The following SLC60A1 variants were observed in gnomAD, a reference collection of about 807,000 sequenced individuals.
The protein encoded by SLC60A1 is solute carrier family 60 member 1.
the SLC60A1 span, among the ~76,000 whole-genome samples, chr1:205,589,388 C>CA: frequency 3.3e-5 from 5 of 152,124 alleles, no homozygotes; most frequent in South Asian, 1.0e-3. Flanking sequence ...GGGAAGTAAA[C>CA]AGGGGCTACA....
the SLC60A1 span, chr1:205,598,859 G>C: frequency 2.1e-6 from 1 of 476,888 alleles, no homozygotes; most frequent in Non-Finnish European, 3.7e-6. Context: ...TGATGATAGA[G>C]ATCGTCAGAA....
the SLC60A1 span, among the ~76,000 whole-genome samples, chr1:205,572,128 G>T: frequency 6.6e-6 from 1 of 152,162 alleles, no homozygotes; most frequent in Non-Finnish European, 1.5e-5. Context: ...TGAGCTCAGG[G>T]CAGCACCAGC....
chr1:205,575,003 G>C, the SLC60A1 span, among the ~76,000 whole-genome samples: 1 of 152,208 alleles, frequency 6.6e-6, no homozygotes, highest in African/African-American at 2.4e-5. Context: ...CAGTGTGAAG[G>C]CTGGGGTGAC....
At chr1:205,571,046 G>A in the SLC60A1 span, among the ~76,000 whole-genome samples, 74,505 of 151,590 alleles carry the variant, frequency 0.49, 19,261 homozygotes, top group East Asian at 0.95. Context: ...GAACCCTGCA[G>A]CAGGAACTGG....
chr1:205,584,529 T>G, the SLC60A1 span, among the ~76,000 whole-genome samples: 3 of 138,206 alleles, frequency 2.2e-5, no homozygotes, highest in South Asian at 2.4e-4. Flanking sequence ...TGGCCACAGG[T>G]GATAGTCCTT....
the SLC60A1 span, among the ~76,000 whole-genome samples, chr1:205,587,114 A>ATCCAGG: frequency 5.3e-5 from 8 of 152,196 alleles, no homozygotes; most frequent in Middle Eastern, 3.2e-3. Flanking sequence ...TGGTGTGTCC[A>ATCCAGG]TCCAGGTCAC....
the SLC60A1 span, among the ~76,000 whole-genome samples, chr1:205,589,566 G>A: frequency 3.0e-4 from 45 of 152,240 alleles, 1 homozygote; most frequent in East Asian, 7.3e-3. Context: ...CAGGTGCCCC[G>A]TGATGTTTCA....
the SLC60A1 span, chr1:205,579,587 A>G: frequency 1.3e-6 from 1 of 749,488 alleles, no homozygotes; most frequent in Non-Finnish European, 2.2e-6. Context: ...AGACTTTGAC[A>G]ACTTGCCCAC....
the SLC60A1 span, chr1:205,584,919 A>T: frequency 1.2e-6 from 2 of 1,614,062 alleles, no homozygotes; most frequent in Non-Finnish European, 1.7e-6. Flanking sequence ...AGAACCTCAG[A>T]GGAGCCCCTT....
the SLC60A1 span, chr1:205,591,976 C>A: frequency 1.1e-6 from 1 of 907,038 alleles, no homozygotes. Context: ...CCCCGGAACA[C>A]TGCGGTTCCC....
the SLC60A1 span, chr1:205,598,006 G>A: frequency 1.8e-5 from 13 of 705,390 alleles, no homozygotes; most frequent in Admixed American, 7.5e-5. Context: ...ACCTGTTTCC[G>A]TTTCCAAGCC....
At chr1:205,600,290 C>T in the SLC60A1 span, 7 of 1,102,390 alleles carry the variant, frequency 6.3e-6, no homozygotes, top group Non-Finnish European at 9.3e-6. Context: ...TTTGCTCCCT[C>T]TAGAGCCACA....
chr1:205,586,586 A>G, the SLC60A1 span, among the ~76,000 whole-genome samples: 1 of 152,186 alleles, frequency 6.6e-6, no homozygotes, highest in African/African-American at 2.4e-5. Flanking sequence ...CCAGCTGCTC[A>G]GAGCCCTCCA....
the SLC60A1 span, among the ~76,000 whole-genome samples, chr1:205,570,743 T>C: frequency 5.3e-5 from 8 of 152,248 alleles, no homozygotes; most frequent in African/African-American, 1.7e-4. Context: ...AGATTCATTC[T>C]GCCTAGAGGT....
chr1:205,597,439 A>G, the SLC60A1 span: 269 of 124,548 alleles, frequency 2.2e-3, 3 homozygotes, highest in African/African-American at 8.2e-3. Context: ...CCCAGGCTGG[A>G]GTGCAGTGGT....
At chr1:205,595,467 G>A in the SLC60A1 span, among the ~76,000 whole-genome samples, 5 of 152,046 alleles carry the variant, frequency 3.3e-5, no homozygotes, top group South Asian at 6.2e-4. Flanking sequence ...GCCCTTTGAC[G>A]TTGCCCCTGT....
chr1:205,571,689 A>G, the SLC60A1 span, among the ~76,000 whole-genome samples: 2 of 152,208 alleles, frequency 1.3e-5, no homozygotes, highest in Non-Finnish European at 2.9e-5. Context: ...GGCAGCTCTC[A>G]TCACAGTCTC....
the SLC60A1 span, among the ~76,000 whole-genome samples, chr1:205,592,559 G>A: frequency 6.1e-4 from 92 of 151,814 alleles, no homozygotes; most frequent in Non-Finnish European, 1.2e-3. Flanking sequence ...ACTGTCCCAG[G>A]TGTGTGATGT....
At chr1:205,571,492 G>A in the SLC60A1 span, among the ~76,000 whole-genome samples, 1 of 152,158 alleles carries the variant, frequency 6.6e-6, no homozygotes, top group Non-Finnish European at 1.5e-5. Flanking sequence ...TCTTTTTGGG[G>A]TGGGGTAGAT....
Sources: allele counts gnomAD v4.1 joint callset (sites outside exome capture counted in the v4.1 genomes callset), GRCh38; gene constraint gnomAD v4.1.1; transcripts MANE v1.5; gene names NCBI Gene and HGNC (gene_info 2026-07-23, HGNC 2026-07-21).